AGR3: variants seen among roughly 807,000 people sequenced by gnomAD.
AGR3 encodes anterior gradient protein 3.
AGR3 carries 37 observed loss-of-function variants against 24.5 expected under a neutral mutation model. The ratio of observed to expected loss-of-function variants is 1.51; its 90% CI spans 1.16 to 1.99. AGR3 has a LOEUF of 1.99. Ranked by LOEUF, AGR3 falls within the 30% of genes most tolerant of loss-of-function variation. AGR3 has a pLI of 0.00. For synonymous variants in AGR3, 75 were observed against 61.6 expected (o/e 1.22, Z -1.02); for missense variants, 228 against 191.1 (o/e 1.19, Z -1.14).
At chr7:16,881,878 G>A in intron 1 of AGR3, 66 bp downstream of exon 1, 1 of 469,334 alleles carries the variant, frequency 2.1e-6, no homozygotes, top group South Asian at 1.6e-5. Context: ...AATAGCAAAA[G>A]GTGATTATTT....
At chr7:16,865,781 T>C (rs1443438865) in intron 3 of AGR3, 14 of 750,162 alleles carry the variant, frequency 1.9e-5, no homozygotes, top group South Asian at 1.8e-4. Flanking sequence ...ATGAAACATT[T>C]CCTTGAAATC....
intron 7 of AGR3, 183 bp downstream of exon 7, chr7:16,860,316 TA>T (rs950632259): frequency 7.3e-6 from 4 of 551,698 alleles, no homozygotes; most frequent in Non-Finnish European, 1.3e-5. Flanking sequence ...ACATCCCTGT[TA>T]AAATAGATTC....
intron 3 of AGR3, chr7:16,873,499 G>A (rs1781924134): frequency 3.5e-6 from 1 of 283,338 alleles, no homozygotes; most frequent in African/African-American, 2.2e-5. Flanking sequence ...AATATAGCTA[G>A]ATAGGAGGAA....
chr7:16,868,622 G>C (rs1395007925), intron 3 of AGR3, among the ~76,000 whole-genome samples: 1 of 151,802 alleles, frequency 6.6e-6, no homozygotes, highest in African/African-American at 2.4e-5. Context: ...CTCTGTTATT[G>C]TCTCCTTTGC....
chr7:16,855,202 G>T (rs1313940564), downstream of AGR3, among the ~76,000 whole-genome samples: 1 of 152,016 alleles, frequency 6.6e-6, no homozygotes, highest in African/African-American at 2.4e-5. Flanking sequence ...CAGTACTATA[G>T]GACACTAAAA....
chr7:16,879,388 G>A (rs762398661), intron 1 of AGR3, among the ~76,000 whole-genome samples: 8 of 152,150 alleles, frequency 5.3e-5, no homozygotes, highest in African/African-American at 1.2e-4. Context: ...TACTTTGCAC[G>A]TTAAGATAAA....
At chr7:16,874,572 G>A (rs1781949002) in intron 2 of AGR3, among the ~76,000 whole-genome samples, 1 of 152,110 alleles carries the variant, frequency 6.6e-6, no homozygotes, top group African/African-American at 2.4e-5. Flanking sequence ...TTCAGGAAGT[G>A]TCTCAGTCTA....
chr7:16,854,901 G>T (rs58672255), downstream of AGR3, among the ~76,000 whole-genome samples: 1 of 151,982 alleles, frequency 6.6e-6, no homozygotes, highest in Non-Finnish European at 1.5e-5. Context: ...GCATGTCTCT[G>T]TATCCAAATT....
downstream of AGR3, chr7:16,859,355 C>T (rs1032303228): frequency 1.8e-5 from 8 of 441,670 alleles, no homozygotes; most frequent in African/African-American, 4.0e-5. Flanking sequence ...TCCACTATAA[C>T]TCTTGGCAGG....
At chr7:16,868,118 G>A (rs1781794904) in intron 3 of AGR3, among the ~76,000 whole-genome samples, 1 of 151,796 alleles carries the variant, frequency 6.6e-6, no homozygotes, top group Admixed American at 6.6e-5. Flanking sequence ...GATGATTAGT[G>A]ATGTTAAGTA....
chr7:16,864,414 G>A (rs972040497), intron 3 of AGR3: 4 of 1,272,906 alleles, frequency 3.1e-6, no homozygotes, highest in Admixed American at 1.7e-5. Flanking sequence ...TGTCCTGTGC[G>A]GGTTCACCCA....
At chr7:16,855,701 T>G (rs1781548741), downstream of AGR3, among the ~76,000 whole-genome samples, 1 of 152,206 alleles carries the variant, frequency 6.6e-6, no homozygotes, top group Non-Finnish European at 1.5e-5. Context: ...CTTTCTTTAC[T>G]CAGTAAGGAG....
chr7:16,861,721 T>G (rs1425146942), intron 5 of AGR3, among the ~76,000 whole-genome samples: 1 of 150,588 alleles, frequency 6.6e-6, no homozygotes, highest in Admixed American at 6.6e-5. Flanking sequence ...ACCAACAAGG[T>G]GAAACCCTGT....
intron 2 of AGR3, among the ~76,000 whole-genome samples, chr7:16,876,402 A>AT (rs1166433237): frequency 1.3e-5 from 2 of 152,044 alleles, no homozygotes; most frequent in African/African-American, 2.4e-5. Context: ...AGGAAATTGG[A>AT]TTTTTTTTGG....
downstream of AGR3, among the ~76,000 whole-genome samples, chr7:16,858,623 A>G (rs1295945611): frequency 2.6e-5 from 4 of 152,070 alleles, no homozygotes; most frequent in African/African-American, 9.7e-5. Context: ...TGTAATCCCA[A>G]CACTTTGGGA....
At chr7:16,859,388 A>T, downstream of AGR3, 2 of 498,884 alleles carry the variant, frequency 4.0e-6, no homozygotes, top group Non-Finnish European at 7.0e-6. Context: ...CTGATGAGGC[A>T]GAAATAAAAC....
intron 2 of AGR3, among the ~76,000 whole-genome samples, chr7:16,876,853 T>A (rs1781994745): frequency 6.6e-6 from 1 of 152,228 alleles, no homozygotes; most frequent in African/African-American, 2.4e-5. Context: ...CACAGAATGT[T>A]GATGCCTTGA....
rs1024785384 is a variant in AGR3 at position 16,873,634 on chromosome 7, A to G, written c.173+146T>C. ...CCACCAGAAAGAAATGATATGTTTC[A>G]GGTGATGCATATGCTAATTACACTG... On this transcript the variant is annotated intron_variant, in intron 3 of 7. Transcript: ENST00000310398. The G allele has an allele frequency of 4.8e-5, 30 of 627,596 alleles. No individual in the cohort carries two copies. In the East Asian group the frequency reaches 7.2e-4, roughly 15 times the overall value. 38.9% of individuals were successfully genotyped at this position (627,596 alleles called of 1,614,324 possible). A position where few individuals can be genotyped will look rare whatever the true frequency, so the allele number is the denominator to read the frequency against.
rs1325334001 is a variant in AGR3, at chr7:16,864,745, C to CA, written c.174-2084dup. The stretch of plus-strand genomic sequence containing the variant: ...AAACCACTGCGGTGTGTGCGAGGGT[C>CA]AAAAACTTGATCCTTCTCCTTGGCA... On this transcript the variant is annotated intron_variant, in intron 3 of 7. Coordinates refer to ENST00000310398, the MANE Select transcript of AGR3 (RefSeq NM_176813.5). 9.7e-6 allele frequency: 13 copies of CA among 1,334,990 alleles called. No individual in the cohort carries two copies. In the Admixed American group the frequency reaches 2.2e-4, roughly 22 times the overall value. 82.7% of individuals were successfully genotyped at this position (1,334,990 alleles called of 1,614,324 possible).
Sources: gnomAD v4.1 joint callset for allele counts (sites outside exome capture counted in the v4.1 genomes callset) on GRCh38, gnomAD v4.1.1 for gene constraint, MANE v1.5 for transcripts, NCBI Gene and HGNC (gene_info 2026-07-23, HGNC 2026-07-21) for gene names.